The following STRN variants were observed in gnomAD, a reference collection of about 807,000 sequenced individuals.
STRN encodes the protein protein phosphatase 2 regulatory subunit B'''alpha.
Under a neutral mutation model 96.3 loss-of-function variants are expected in STRN, and 53 were observed. The ratio of observed to expected loss-of-function variants is 0.55; its 90% CI spans 0.44 to 0.69. The LOEUF is 0.69. Ranked by LOEUF, STRN falls within the 30% of genes least tolerant of loss-of-function variation. STRN has a pLI of 0.00. For missense variants in STRN, 987 were observed against 963.9 expected (o/e 1.02, Z -0.32); for synonymous variants, 428 against 355.9 (o/e 1.20, Z -2.28).
chr2:36,944,799 A>G (rs1670937857), intron 1 of STRN, among the ~76,000 whole-genome samples: 1 of 152,234 alleles, frequency 6.6e-6, no homozygotes, highest in South Asian at 2.1e-4. Flanking sequence ...CTAACATACT[A>G]TGGAAGAGAT....
intron 1 of STRN, among the ~76,000 whole-genome samples, chr2:36,932,165 C>A (rs13398883): frequency 0.028 from 4,228 of 149,740 alleles, 88 homozygotes; most frequent in African/African-American, 0.065. Context: ...GCTAGTTTTA[C>A]TTTTTTTTTG....
intron 3 of STRN, among the ~76,000 whole-genome samples, chr2:36,911,926 C>A (rs1191452986): frequency 2.6e-5 from 4 of 152,198 alleles, no homozygotes; most frequent in Non-Finnish European, 5.9e-5. Flanking sequence ...TTACCATTAG[C>A]ATTTTAAACC....
chr2:36,900,778 G>A (rs370160303), intron 5 of STRN, among the ~76,000 whole-genome samples: 5 of 151,854 alleles, frequency 3.3e-5, no homozygotes, highest in East Asian at 1.9e-4. Flanking sequence ...CTGTAGTCTC[G>A]GCTACTCGGG....
chr2:36,842,273 C>T lies in STRN; in HGVS notation c.*7183G>A, dbSNP rs1412707067. On this transcript the variant is annotated 3_prime_UTR_variant, in exon 18 of 18. Transcript: ENST00000263918. The stretch of plus-strand genomic sequence containing the variant: ...CCCTACCATTACCCTTAATTTGATG[C>T]TATTAGAATTTTTAAAAATCTTTTG... 6.6e-6 allele frequency: 1 copy of T among 151,986 alleles called. No homozygotes were observed. The highest frequency in any genetic ancestry group is 1.5e-5 in the Non-Finnish European group (1 of 68,012). 9.4% of individuals were successfully genotyped at this position (151,986 alleles called of 1,614,324 possible). A position where few individuals can be genotyped will look rare whatever the true frequency, so the allele number is the denominator to read the frequency against.
chr2:36,908,066 C>T (rs1669869028), intron 3 of STRN, among the ~76,000 whole-genome samples: 1 of 152,174 alleles, frequency 6.6e-6, no homozygotes, highest in African/African-American at 2.4e-5. Flanking sequence ...CATCTTGTTT[C>T]CACTGACCGC....
intron 1 of STRN, among the ~76,000 whole-genome samples, chr2:36,953,908 A>C (rs1359718609): frequency 6.6e-6 from 1 of 152,126 alleles, no homozygotes; most frequent in East Asian, 1.9e-4. Flanking sequence ...ATGCAGGAGG[A>C]TCAACTGAGC....
At chr2:36,880,183 G>T (rs1669031168) in intron 9 of STRN, among the ~76,000 whole-genome samples, 1 of 152,152 alleles carries the variant, frequency 6.6e-6, no homozygotes, top group African/African-American at 2.4e-5. Flanking sequence ...GGCCAGGCTG[G>T]TCTCAAACTC....
intron 1 of STRN, among the ~76,000 whole-genome samples, chr2:36,953,806 G>C (rs2148271856): frequency 6.6e-6 from 1 of 152,236 alleles, no homozygotes; most frequent in Non-Finnish European, 1.5e-5. Context: ...ATATTATTCT[G>C]TTCTAACATA....
chr2:36,962,573 C>A (rs148930470), intron 1 of STRN, among the ~76,000 whole-genome samples: 1,613 of 151,742 alleles, frequency 0.011, 29 homozygotes, highest in African/African-American at 0.036. Context: ...TGTCGCCAGG[C>A]TGGAGTGCAG....
chr2:36,858,153 A>G (rs1027419198), intron 13 of STRN, 130 bp from the exon 14 acceptor site: 10 of 636,168 alleles, frequency 1.6e-5, no homozygotes, highest in Non-Finnish European at 2.1e-5. Flanking sequence ...GGTTTCTATT[A>G]TTCTTCTGAC....
chr2:36,924,141 G>T (rs1225032839), intron 2 of STRN, among the ~76,000 whole-genome samples: 4 of 152,072 alleles, frequency 2.6e-5, no homozygotes, highest in Non-Finnish European at 5.9e-5. Context: ...GGGATCACGA[G>T]GTCAGGAGAT....
At chr2:36,858,150 A>G (rs1668395094) in intron 13 of STRN, 127 bp from the exon 14 acceptor site, 1 of 655,722 alleles carries the variant, frequency 1.5e-6, no homozygotes, top group African/African-American at 1.8e-5. Context: ...CTTGGTTTCT[A>G]TTATTCTTCT....
At chr2:36,895,944 G>A (rs1212708799) in intron 6 of STRN, among the ~76,000 whole-genome samples, 1 of 151,650 alleles carries the variant, frequency 6.6e-6, no homozygotes, top group Non-Finnish European at 1.5e-5. Context: ...AAAAAAAACA[G>A]GTGTATCTGA....
chr2:36,890,091 A>C (rs1355760627), intron 7 of STRN, among the ~76,000 whole-genome samples: 1 of 152,236 alleles, frequency 6.6e-6, no homozygotes, highest in Non-Finnish European at 1.5e-5. Context: ...CAGATGTGTG[A>C]TTCCTCAGAG....
At position 36,841,041 on chromosome 2, in the gene STRN, C is replaced by T. The variant is rs996864680; in HGVS notation, c.*8415G>A. ...CAAAATTGCCTGGAACTACAACCTT[C>T]AAGTTCAAAATTTCTACCTCCAGAA... On this transcript the variant is annotated 3_prime_UTR_variant, in exon 18 of 18. Coordinates refer to ENST00000263918, the MANE Select transcript of STRN (RefSeq NM_003162.4). 1 of 152,160 alleles carries T rather than the reference C, an allele frequency of 6.6e-6. No homozygotes were observed. Among genetic ancestry groups the T allele is most frequent in the African/African-American group, 2.4e-5 (1 of 41,408 alleles). The allele number at this position is 152,160 out of a possible 1,614,324, so 9.4% of individuals were successfully genotyped here. A position where few individuals can be genotyped will look rare whatever the true frequency, so the allele number is the denominator to read the frequency against.
Position 36,925,166 on chromosome 2 carries a change from T to C in STRN, c.277A>G (p.Asn93Asp). The change falls in exon 2 of 18, where the codon AAT (asparagine) becomes GAT (aspartate). Residue 93 changes from asparagine (N) to aspartate (D), a missense_variant. Coordinates refer to ENST00000263918, the MANE Select transcript of STRN (RefSeq NM_003162.4). Reference sequence around the variant, plus strand: ...CTCCTCACAAGATCCTTCTTCAAATTTTCTTGGCCCTTCCTTTCTCCCTGC... The same window carrying C: ...CTCCTCACAAGATCCTTCTTCAAATCTTCTTGGCCCTTCCTTTCTCCCTGC... ...FLQGERKGQE[N>D]LKKDLVRRIK... 1 of 1,613,964 alleles carries C rather than the reference T, an allele frequency of 6.2e-7. No homozygotes were observed. The highest frequency in any genetic ancestry group is 2.2e-5 in the East Asian group (1 of 44,888).
intron 3 of STRN, among the ~76,000 whole-genome samples, chr2:36,908,890 A>G (rs1205084016): frequency 6.6e-6 from 1 of 152,074 alleles, no homozygotes; most frequent in African/African-American, 2.4e-5. Context: ...CTGAGGCAGG[A>G]GAATCACATG....
At chr2:36,892,471 G>A (rs773149282) in intron 7 of STRN, among the ~76,000 whole-genome samples, 5 of 151,686 alleles carry the variant, frequency 3.3e-5, no homozygotes, top group Non-Finnish European at 7.4e-5. Context: ...TTATAAATAG[G>A]GTAATCTGTA....
intron 1 of STRN, among the ~76,000 whole-genome samples, chr2:36,942,271 G>A (rs1268093848): frequency 6.6e-6 from 1 of 152,122 alleles, no homozygotes; most frequent in Non-Finnish European, 1.5e-5. Context: ...AAGGATGGCA[G>A]ATGAGAAAGA....
Sources: gnomAD v4.1 joint callset for allele counts (sites outside exome capture counted in the v4.1 genomes callset) on GRCh38, gnomAD v4.1.1 for gene constraint, MANE v1.5 for transcripts, NCBI Gene and HGNC (gene_info 2026-07-23, HGNC 2026-07-21) for gene names.